NADK: variants seen among roughly 807,000 people sequenced by gnomAD.
NADK encodes NAD kinase, also known as poly(P)/ATP NAD kinase.
In NADK, 22 loss-of-function variants were observed where a neutral mutation model predicts 49.8. The ratio of observed to expected loss-of-function variants is 0.44; its 90% CI spans 0.32 to 0.63. The LOEUF is 0.63. Among genes scored for constraint, NADK ranks in the 30% least tolerant of loss-of-function variants. The pLI is 0.06. For missense variants in NADK, 438 were observed against 609.4 expected (o/e 0.72, Z 2.96); for synonymous variants, 268 against 253.7 (o/e 1.06, Z -0.54).
chr1:1,775,207 A>G (rs955563344), intron 1 of NADK, among the ~76,000 whole-genome samples: 2 of 152,240 alleles, frequency 1.3e-5, no homozygotes, highest in African/African-American at 4.8e-5. Flanking sequence ...ACAAAGTAGC[A>G]AGGAAAACAT....
At chr1:1,759,958 G>A in intron 3 of NADK, 1 of 1,525,436 alleles carries the variant, frequency 6.6e-7, no homozygotes, top group South Asian at 1.2e-5. Context: ...GAGGCCCGGT[G>A]GGGTGCCAGG....
Position 1,757,305 on chromosome 1 carries a change from AT to A in NADK, c.268del (p.Ile90PhefsTer9). 1 of 1,613,524 alleles carries A rather than the reference AT, an allele frequency of 6.2e-7. No individual in the cohort carries two copies. Among genetic ancestry groups the A allele is most frequent in the East Asian group, 2.2e-5 (1 of 44,864 alleles). Reference protein sequence around the residue: ...VLQNPQTIMHIQDPASQRLTW... With the variant: ...VLQNPQTIMHXQDPASQRLTW... ...CAGCCGCTGGCTCGCGGGGTCCTGA[AT>A]GTGCCTTTAGGGGAGGAGAAAAGAG... is the stretch of plus-strand genomic sequence containing the variant. On this transcript the variant is annotated frameshift_variant, in exon 4 of 12. Transcript: ENST00000341426. LOFTEE classifies it high-confidence loss of function.
intron 3 of NADK, 70 bp downstream of exon 3, chr1:1,761,882 G>C: frequency 6.9e-7 from 1 of 1,444,656 alleles, no homozygotes; most frequent in South Asian, 1.1e-5. Flanking sequence ...CATGGCCCCC[G>C]GCACTCACAT....
chr1:1,760,890 G>C (rs995638372), intron 3 of NADK, among the ~76,000 whole-genome samples: 1 of 152,210 alleles, frequency 6.6e-6, no homozygotes, highest in African/African-American at 2.4e-5. Flanking sequence ...AATGCACTTT[G>C]ATAATCACAG....
chr1:1,760,601 G>A (rs1645690037), intron 3 of NADK, among the ~76,000 whole-genome samples: 1 of 152,126 alleles, frequency 6.6e-6, no homozygotes, highest in Non-Finnish European at 1.5e-5. Context: ...AGCAGCCTGC[G>A]CGCTGGAACA....
intron 3 of NADK, chr1:1,761,646 G>A (rs573860677): frequency 2.8e-4 from 86 of 303,112 alleles, no homozygotes; most frequent in African/African-American, 1.0e-3. Context: ...GCTGTGACCC[G>A]GTCTCCAGGC....
chr1:1,773,853 T>A (rs1646131701), intron 1 of NADK, among the ~76,000 whole-genome samples: 1 of 151,798 alleles, frequency 6.6e-6, no homozygotes, highest in Non-Finnish European at 1.5e-5. Context: ...GCTTAAGGGA[T>A]CCTCCCATGT....
At position 1,756,897 on chromosome 1, in the gene NADK, C is replaced by A. The variant is rs777711423; in HGVS notation, c.393+284G>T. ...CGCCTGCTCTTCTGAAGAGAAGACA[C>A]AGCAGGAAGGCCCACGTCAGATGTG... On this transcript the variant is annotated intron_variant, in intron 4 of 11. Coordinates refer to ENST00000341426, the MANE Select transcript of NADK (RefSeq NM_023018.5). The A allele has an allele frequency of 6.1e-5, 49 of 806,590 alleles. No homozygotes were observed. In the African/African-American group the frequency reaches 8.2e-4, roughly 13 times the overall value. 50.0% of individuals were successfully genotyped at this position (806,590 alleles called of 1,614,324 possible).
At position 1,752,434 on chromosome 1, in the gene NADK, G is replaced by C. The variant is rs896311061; in HGVS notation, c.*470C>G. 2 of 154,170 alleles carry C rather than the reference G, an allele frequency of 1.3e-5. No individual in the cohort carries two copies. The highest frequency in any genetic ancestry group is 4.8e-5 in the African/African-American group (2 of 41,498). 9.6% of individuals were successfully genotyped at this position (154,170 alleles called of 1,614,324 possible). On this transcript the variant is annotated 3_prime_UTR_variant, in exon 12 of 12. Coordinates refer to ENST00000341426, the MANE Select transcript of NADK (RefSeq NM_023018.5). The stretch of plus-strand genomic sequence containing the variant: ...CTGGCAAGACCATGCTTTCAATGGC[G>C]CCTCCGCCAGGGGCTTCCCTGCAGA...
chr1:1,778,857 C>A (rs1646294854), upstream of NADK: 1 of 152,224 alleles, frequency 6.6e-6, no homozygotes, highest in South Asian at 2.1e-4. This position sits in a 1 kb window ranked among gnomAD's most constrained non-coding sequence, Gnocchi z 4.9. Context: ...CCACCGCGGG[C>A]GGGACCTCCC....
At chr1:1,761,648 T>A (rs1413286950) in intron 3 of NADK, 1 of 307,638 alleles carries the variant, frequency 3.3e-6, no homozygotes, top group Non-Finnish European at 6.4e-6. Flanking sequence ...TGTGACCCGG[T>A]CTCCAGGCCC....
At chr1:1,764,775 C>T (rs1342306709) in intron 2 of NADK, among the ~76,000 whole-genome samples, 2 of 152,216 alleles carry the variant, frequency 1.3e-5, no homozygotes, top group African/African-American at 2.4e-5. Flanking sequence ...GTGGTGCACG[C>T]CTGTAATCCC....
chr1:1,752,810 T>G lies in NADK; in HGVS notation c.*94A>C. ...TACAGAAAGGAAGTGGCCGTGCCAC[T>G]GAGACAGGCGGTCACAGACACACGC... On this transcript the variant is annotated 3_prime_UTR_variant, in exon 12 of 12. Coordinates refer to ENST00000341426, the MANE Select transcript of NADK (RefSeq NM_023018.5). 2 of 1,450,846 alleles carry G rather than the reference T, an allele frequency of 1.4e-6. No homozygotes were observed. Among genetic ancestry groups the G allele is most frequent in the Non-Finnish European group, 1.9e-6 (2 of 1,065,782 alleles). The allele number at this position is 1,450,846 out of a possible 1,614,324, so 89.9% of individuals were successfully genotyped here. A position where few individuals can be genotyped will look rare whatever the true frequency, so the allele number is the denominator to read the frequency against.
rs1645509080 is a variant in NADK, at chr1:1,756,055, C to T, written c.585+203G>A. On this transcript the variant is annotated intron_variant, in intron 6 of 11. Coordinates refer to ENST00000341426, the MANE Select transcript of NADK (RefSeq NM_023018.5). The stretch of plus-strand genomic sequence containing the variant: ...GTCCCAGGCGGGCGCTGGCCACCCC[C>T]AGCCGTAGCACTGTGTCCACACTGC... 1.3e-5 allele frequency: 8 copies of T among 609,130 alleles called. 1 individual carries two copies. In the South Asian group the frequency reaches 1.6e-4, roughly 12 times the overall value. 37.7% of individuals were successfully genotyped at this position (609,130 alleles called of 1,614,324 possible). A position where few individuals can be genotyped will look rare whatever the true frequency, so the allele number is the denominator to read the frequency against.
At position 1,754,820 on chromosome 1, in the gene NADK, T is replaced by A; in HGVS notation, c.689-122A>T. The stretch of plus-strand genomic sequence containing the variant: ...CTTCTCCCAAGTTGACACACTTCTG[T>A]GCCTTTTTCTTTTTATTTTGAGATG... On this transcript the variant is annotated intron_variant, in intron 7 of 11. Coordinates refer to ENST00000341426, the MANE Select transcript of NADK (RefSeq NM_023018.5). The surrounding 1 kb of genome is among the most constrained non-coding windows in gnomAD (Gnocchi z 4.3). The A allele has an allele frequency of 1.1e-6, 1 of 918,434 alleles. No individual in the cohort carries two copies. Among genetic ancestry groups the A allele is most frequent in the Non-Finnish European group, 1.6e-6 (1 of 613,974 alleles). 56.9% of individuals were successfully genotyped at this position (918,434 alleles called of 1,614,324 possible).
At chr1:1,762,971 G>A (rs1416891427) in intron 2 of NADK, among the ~76,000 whole-genome samples, 1 of 152,206 alleles carries the variant, frequency 6.6e-6, no homozygotes, top group Non-Finnish European at 1.5e-5. Flanking sequence ...TAGGTGCCCG[G>A]GAGCCTCCCA....
Position 1,752,745 on chromosome 1 carries a change from G to A in NADK, c.*159C>T, listed in dbSNP as rs979149294. 1.6e-5 allele frequency: 13 copies of A among 800,406 alleles called. No individual in the cohort carries two copies. The highest frequency in any genetic ancestry group is 2.3e-5 in the Non-Finnish European group (12 of 517,958). 49.6% of individuals were successfully genotyped at this position (800,406 alleles called of 1,614,324 possible). ...AAAAGTCAGACATTTTAAAAAAACA[G>A]CTGATCTGGACAAAAGGCAGACCCA... On this transcript the variant is annotated 3_prime_UTR_variant, in exon 12 of 12. Transcript: ENST00000341426.
chr1:1,760,014 G>T, intron 3 of NADK: 1 of 1,124,026 alleles, frequency 8.9e-7, no homozygotes, highest in Non-Finnish European at 1.3e-6. Flanking sequence ...GGCGGGGCCG[G>T]GAGGGCAGTG....
chr1:1,770,209 A>T (rs988806120), intron 1 of NADK, among the ~76,000 whole-genome samples: 18 of 151,942 alleles, frequency 1.2e-4, no homozygotes, highest in Non-Finnish European at 2.2e-4. Flanking sequence ...AAAAAAAACC[A>T]TGAAAAATTC....
Sources: allele counts gnomAD v4.1 joint callset (sites outside exome capture counted in the v4.1 genomes callset), GRCh38; gene constraint gnomAD v4.1.1; non-coding constraint Gnocchi (gnomAD v3.1); transcripts MANE v1.5; gene names NCBI Gene and HGNC (gene_info 2026-07-23, HGNC 2026-07-21).